Variants in COL21A1 observed in about 807,000 individuals in gnomAD.
COL21A1 encodes collagen type XXI alpha 1 chain.
In COL21A1, 149 loss-of-function variants were observed where a neutral mutation model predicts 137.9. The observed-to-expected ratio is 1.08, with a 90% CI of 0.95 to 1.24. COL21A1 has a LOEUF of 1.24. Among genes scored for constraint, COL21A1 ranks in the 50% most tolerant of loss-of-function variants. The pLI, the probability that COL21A1 is intolerant of heterozygous loss-of-function variation, is 0.00. For missense variants in COL21A1, 1,167 were observed against 1,158.4 expected, an observed-to-expected ratio of 1.01 and a Z score of -0.11; for synonymous variants, 456 against 391.5, an observed-to-expected ratio of 1.16 and a Z score of -1.95.
intron 1 of COL21A1, among the ~76,000 whole-genome samples, chr6:56,353,799 C>A (rs1034026559): frequency 6.6e-6 from 1 of 151,950 alleles, no homozygotes; most frequent in East Asian, 1.9e-4. Flanking sequence ...ACAAACAAAA[C>A]AAACATGCTA....
chr6:56,298,756 T>TCAACAG (rs1339431212), intron 1 of COL21A1, among the ~76,000 whole-genome samples: 4 of 152,110 alleles, frequency 2.6e-5, no homozygotes, highest in Admixed American at 6.6e-5. Context: ...GCCAGCCCCA[T>TCAACAG]CAACAGCAAC....
chr6:56,329,559 A>G (rs1765173567), intron 1 of COL21A1, among the ~76,000 whole-genome samples: 1 of 152,082 alleles, frequency 6.6e-6, no homozygotes, highest in Non-Finnish European at 1.5e-5. Flanking sequence ...GAGGAAATGA[A>G]AAAGATTGTT....
chr6:56,080,635 G>A (rs762487619), intron 17 of COL21A1, among the ~76,000 whole-genome samples: 1 of 151,616 alleles, frequency 6.6e-6, no homozygotes, highest in Non-Finnish European at 1.5e-5. Flanking sequence ...GATCAAATTT[G>A]CTTTTAAGTA....
At chr6:56,348,070 T>C (rs73745619) in intron 1 of COL21A1, among the ~76,000 whole-genome samples, 3,030 of 152,160 alleles carry the variant, frequency 0.02, 32 homozygotes, top group South Asian at 0.062. Flanking sequence ...AGTCACATGA[T>C]TGTTGTGATT....
intron 1 of COL21A1, among the ~76,000 whole-genome samples, chr6:56,257,994 T>A (rs545706869): frequency 6.6e-6 from 1 of 152,100 alleles, no homozygotes; most frequent in Non-Finnish European, 1.5e-5. Flanking sequence ...TTATGGATAA[T>A]ATGGGTAATT....
chr6:56,381,055 G>C (rs895326167), intron 1 of COL21A1, among the ~76,000 whole-genome samples: 1 of 152,060 alleles, frequency 6.6e-6, no homozygotes, highest in African/African-American at 2.4e-5. Flanking sequence ...TAGTTCAGCA[G>C]TCGCTAATTC....
chr6:56,208,199 G>GA (rs1400611550), intron 1 of COL21A1, among the ~76,000 whole-genome samples: 1 of 151,596 alleles, frequency 6.6e-6, no homozygotes, highest in Non-Finnish European at 1.5e-5. Flanking sequence ...TCAGGCAAGA[G>GA]AAAAAAAATA....
At chr6:56,355,596 C>T (rs6915291) in intron 1 of COL21A1, among the ~76,000 whole-genome samples, 77,986 of 151,970 alleles carry the variant, frequency 0.51, 20,300 homozygotes, top group East Asian at 0.78. Flanking sequence ...GGATATTTCA[C>T]GTTATTAAGG....
chr6:56,070,200 ACTCT>A (rs1394747172), intron 21 of COL21A1, among the ~76,000 whole-genome samples: 1 of 151,400 alleles, frequency 6.6e-6, no homozygotes, highest in Non-Finnish European at 1.5e-5. Flanking sequence ...ACTAAAGATC[ACTCT>A]CTTTTTTAAA....
chr6:56,135,269 A>G (rs1249635399), intron 12 of COL21A1, among the ~76,000 whole-genome samples: 1 of 152,112 alleles, frequency 6.6e-6, no homozygotes, highest in Non-Finnish European at 1.5e-5. Context: ...ATAAAAATCA[A>G]TCTTTAAAAG....
In COL21A1 at chr6:56,107,407, T is replaced by G. The variant is rs1229502595; in HGVS notation, c.1759-5882A>C. Among the ~76,000 whole-genome samples the G allele has an allele frequency of 2.0e-5, 3 of 151,948 alleles. No homozygotes were observed. The East Asian group carries it at 5.8e-4, about 29-fold the overall frequency. On this transcript the variant is annotated intron_variant, in intron 16 of 29. Coordinates refer to ENST00000244728, the MANE Select transcript of COL21A1 (RefSeq NM_030820.4). ...GTAACAGAATTTATATTTAAAACTA[T>G]AATTCAAAAGAACATTCCAGAAAAA...
chr6:56,311,027 A>G (rs986152400), intron 1 of COL21A1, among the ~76,000 whole-genome samples: 1 of 152,210 alleles, frequency 6.6e-6, no homozygotes, highest in Non-Finnish European at 1.5e-5. Context: ...ATATACGGCT[A>G]TTAGGTTTTA....
chr6:56,065,869 T>C (rs189215543), intron 23 of COL21A1, among the ~76,000 whole-genome samples: 2 of 151,944 alleles, frequency 1.3e-5, no homozygotes, highest in Admixed American at 1.3e-4. Context: ...CAAGTAAAAG[T>C]GTGGAAGAAG....
At chr6:56,125,665 A>G in intron 13 of COL21A1, 45 bp from the exon 14 acceptor site, 1 of 1,243,736 alleles carries the variant, frequency 8.0e-7, no homozygotes, top group Non-Finnish European at 1.1e-6. Flanking sequence ...AAATATGAAT[A>G]TTTTTCTTAT....
intron 17 of COL21A1, among the ~76,000 whole-genome samples, chr6:56,099,071 A>G (rs1770181773): frequency 6.6e-6 from 1 of 151,430 alleles, no homozygotes; most frequent in Non-Finnish European, 1.5e-5. Context: ...CAATAGTATC[A>G]TGTTCAACGT....
At chr6:56,383,616 CACAGCTTATTCTGGAG>C in intron 1 of COL21A1, among the ~76,000 whole-genome samples, 1 of 152,290 alleles carries the variant, frequency 6.6e-6, no homozygotes, top group East Asian at 1.9e-4. Flanking sequence ...GGCCTGAAAA[CACAGCTTATTCTGGAG>C]ATGGGCAGAG....
intron 1 of COL21A1, among the ~76,000 whole-genome samples, chr6:56,337,961 CT>C (rs200998969): frequency 0.13 from 12,040 of 90,416 alleles, 1,083 homozygotes; most frequent in East Asian, 0.52. Context: ...CTTTTCTTTT[CT>C]TTTTTTTTTT....
At chr6:56,211,235 A>G (rs1780157926) in intron 1 of COL21A1, among the ~76,000 whole-genome samples, 1 of 64,908 alleles carries the variant, frequency 1.5e-5, no homozygotes, top group Non-Finnish European at 2.9e-5. Flanking sequence ...ATACATATAT[A>G]TGTATATGTA....
chr6:56,370,872 T>G (rs1012303612), intron 1 of COL21A1, among the ~76,000 whole-genome samples: 6 of 152,220 alleles, frequency 3.9e-5, no homozygotes, highest in Non-Finnish European at 7.3e-5. Context: ...GTTCCTTCCA[T>G]TCCCAGAAAA....
Sources: allele counts gnomAD v4.1 joint callset (sites outside exome capture counted in the v4.1 genomes callset), GRCh38; gene constraint gnomAD v4.1.1; transcripts MANE v1.5; gene names NCBI Gene and HGNC (gene_info 2026-07-23, HGNC 2026-07-21).